ASPH: variants seen among roughly 807,000 people sequenced by gnomAD.
ASPH encodes aspartyl/asparaginyl beta-hydroxylase.
A neutral mutation model predicts 118.4 loss-of-function variants in ASPH; 100 were observed. The observed-to-expected ratio is 0.84, with a 90% CI of 0.72 to 1.00. The LOEUF (loss-of-function observed/expected upper bound fraction) is 1.00. Among genes scored for constraint, ASPH ranks in the 50% least tolerant of loss-of-function variants. The probability of loss-of-function intolerance (pLI) is 0.00; values close to 1 mark genes in which losing one functional copy is unlikely to be tolerated. For missense variants in ASPH, 920 were observed against 919.5 expected (o/e 1.00, Z -0.01); for synonymous variants, 315 against 325.6 (o/e 0.97, Z 0.35).
At chr8:61,653,848 ATC>A (rs1812332435) in intron 3 of ASPH, among the ~76,000 whole-genome samples, 188 bp from the exon 4 acceptor site, 1 of 152,236 alleles carries the variant, frequency 6.6e-6, no homozygotes, top group African/African-American at 2.4e-5. Flanking sequence ...CCTTGAATAT[ATC>A]TCTTTGTCTT....
intron 15 of ASPH, among the ~76,000 whole-genome samples, chr8:61,577,232 G>A (rs965657185): frequency 2.0e-5 from 3 of 151,594 alleles, no homozygotes; most frequent in Non-Finnish European, 2.9e-5. Flanking sequence ...TGTACATGAC[G>A]GGTGAACGGG....
intron 3 of ASPH, among the ~76,000 whole-genome samples, chr8:61,672,130 C>T (rs185494544): frequency 1.3e-5 from 2 of 152,088 alleles, no homozygotes; most frequent in Non-Finnish European, 2.9e-5. Context: ...ATCCTGTTAG[C>T]GAGACAGACT....
At chr8:61,659,546 G>A (rs1330687657) in intron 3 of ASPH, 1 of 152,142 alleles carries the variant, frequency 6.6e-6, no homozygotes, top group Non-Finnish European at 1.5e-5. Context: ...AAAAAGAAAT[G>A]GATGACTTTC....
chr8:61,545,820 A>T (rs912543500), intron 21 of ASPH, among the ~76,000 whole-genome samples: 2 of 152,148 alleles, frequency 1.3e-5, no homozygotes, highest in Non-Finnish European at 2.9e-5. Context: ...GTAGGGTTTG[A>T]TCTGTTGGTT....
At chr8:61,618,184 A>G (rs1849684305) in intron 14 of ASPH, among the ~76,000 whole-genome samples, 1 of 152,186 alleles carries the variant, frequency 6.6e-6, no homozygotes, top group Admixed American at 6.5e-5. Context: ...GCAATTCCAC[A>G]TGCTCACCAA....
intron 1 of ASPH, among the ~76,000 whole-genome samples, chr8:61,701,466 A>G (rs1835225813): frequency 6.6e-6 from 1 of 152,206 alleles, no homozygotes; most frequent in African/African-American, 2.4e-5. Context: ...CTACTTCTAG[A>G]AAAAAACTAT....
intron 12 of ASPH, among the ~76,000 whole-genome samples, chr8:61,636,397 A>C (rs1857751143): frequency 6.6e-6 from 1 of 152,222 alleles, no homozygotes; most frequent in South Asian, 2.1e-4. Context: ...GGACTCAAAA[A>C]CGAGTTCCAT....
At chr8:61,648,693 AG>A (rs911109973) in intron 5 of ASPH, among the ~76,000 whole-genome samples, 6 of 152,158 alleles carry the variant, frequency 3.9e-5, no homozygotes, top group Admixed American at 6.5e-5. Context: ...AAATTTCCTA[AG>A]GGGTCATGAG....
chr8:61,582,773 C>T (rs184484683), intron 15 of ASPH, among the ~76,000 whole-genome samples: 1 of 152,250 alleles, frequency 6.6e-6, no homozygotes, highest in East Asian at 1.9e-4. Flanking sequence ...ACTTAAAGCC[C>T]ACTTGTTCCT....
At chr8:61,597,921 A>G in intron 14 of ASPH, among the ~76,000 whole-genome samples, 1 of 152,238 alleles carries the variant, frequency 6.6e-6, no homozygotes, top group East Asian at 1.9e-4. Context: ...ATCTGCCACC[A>G]TGAAAACACA....
intron 16 of ASPH, among the ~76,000 whole-genome samples, chr8:61,570,454 T>C (rs1231806428): frequency 6.6e-6 from 1 of 152,202 alleles, no homozygotes; most frequent in African/African-American, 2.4e-5. Flanking sequence ...CCTACCAAGA[T>C]AATCCTTCTT....
intron 21 of ASPH, among the ~76,000 whole-genome samples, chr8:61,533,584 G>T (rs1307891957): frequency 6.6e-6 from 1 of 152,172 alleles, no homozygotes; most frequent in Non-Finnish European, 1.5e-5. Flanking sequence ...TGTCTGACAG[G>T]CCTCCATGTT....
In ASPH at chr8:61,689,782, G is replaced by A. The variant is rs956899586; in HGVS notation, c.104-5594C>T. On this transcript the variant is annotated intron_variant, in intron 1 of 24. Transcript: ENST00000379454. ...ACTGCTGGCAGGTTTTAGGCACACT[G>A]CATGCACTTGCCTACCAGAGCTTGA... is the stretch of plus-strand genomic sequence containing the variant. The A allele has an allele frequency of 6.6e-6, 10 of 1,504,660 alleles. No individual in the cohort carries two copies. In the African/African-American group the frequency reaches 1.4e-4, roughly 21 times the overall value. The allele number at this position is 1,504,660 out of a possible 1,614,324, so 93.2% of individuals were successfully genotyped here. A position where few individuals can be genotyped will look rare whatever the true frequency, so the allele number is the denominator to read the frequency against.
At chr8:61,597,922 T>C (rs1476209905) in intron 14 of ASPH, among the ~76,000 whole-genome samples, 3 of 152,100 alleles carry the variant, frequency 2.0e-5, no homozygotes, top group African/African-American at 7.2e-5. Context: ...TCTGCCACCA[T>C]GAAAACACAC....
chr8:61,684,181 C>G lies in ASPH; in HGVS notation c.111G>C (p.Lys37Asn), dbSNP rs1224231481. ...TCCTCCCATTCTTGTGTCCTCCATG[C>G]TTTGTCTCTGTTTAGAAATAAATGT... Reference protein sequence around the residue: ...SSSPGARRETKHGGHKNGRKG... With the variant: ...SSSPGARRETNHGGHKNGRKG... Residue 37 changes from lysine (K) to asparagine (N), a missense_variant, in exon 2 of 25, where the codon AAG becomes AAC. Lys to Asn is a moderately conservative substitution (Grantham distance 94). Coordinates refer to ENST00000379454, the MANE Select transcript of ASPH (RefSeq NM_004318.4). The G allele has an allele frequency of 6.2e-7, 1 of 1,610,852 alleles. No homozygotes were observed. The highest frequency in any genetic ancestry group is 8.5e-7 in the Non-Finnish European group (1 of 1,178,450).
At position 61,503,238 on chromosome 8, in the gene ASPH, A is replaced by G. The variant is rs1258190417; in HGVS notation, c.*121T>C. 1.2e-5 allele frequency: 14 copies of G among 1,214,402 alleles called. No individual in the cohort carries two copies. In the East Asian group the frequency reaches 3.8e-4, roughly 33 times the overall value. 75.2% of individuals were successfully genotyped at this position (1,214,402 alleles called of 1,614,324 possible). ...TGACCCTAGGAGGAGGCTTTGAATT[A>G]CTCGGGCTGCAAGTCAAGGGAATTG... On this transcript the variant is annotated 3_prime_UTR_variant, in exon 25 of 25. Coordinates refer to ENST00000379454, the MANE Select transcript of ASPH (RefSeq NM_004318.4).
chr8:61,672,991 T>C (rs1823372640), intron 3 of ASPH, among the ~76,000 whole-genome samples: 1 of 152,238 alleles, frequency 6.6e-6, no homozygotes, highest in South Asian at 2.1e-4. Flanking sequence ...TAAGAATAAC[T>C]GGCTGTGCTA....
At chr8:61,614,791 T>C (rs1848507102) in intron 14 of ASPH, among the ~76,000 whole-genome samples, 1 of 152,096 alleles carries the variant, frequency 6.6e-6, no homozygotes, top group Non-Finnish European at 1.5e-5. Flanking sequence ...TGCCTGGCCA[T>C]AGATCCATAT....
intron 22 of ASPH, among the ~76,000 whole-genome samples, chr8:61,524,064 G>C (rs1053049625): frequency 6.6e-6 from 1 of 152,220 alleles, no homozygotes; most frequent in Non-Finnish European, 1.5e-5. Context: ...CTGGGCAAGA[G>C]AGCAAGATCC....
Sources: gnomAD v4.1 joint callset for allele counts (sites outside exome capture counted in the v4.1 genomes callset) on GRCh38, gnomAD v4.1.1 for gene constraint, MANE v1.5 for transcripts, NCBI Gene and HGNC (gene_info 2026-07-23, HGNC 2026-07-21) for gene names.